The following ACIN1 variants were observed in gnomAD, a reference collection of about 807,000 sequenced individuals.
ACIN1 encodes apoptotic chromatin condensation inducer in the nucleus.
In ACIN1, 16 loss-of-function variants were observed where a neutral mutation model predicts 146.6. The observed-to-expected ratio is 0.11, with a 90% CI of 0.07 to 0.17. The LOEUF is 0.17. Ranked by LOEUF, ACIN1 falls within the 10% of genes least tolerant of loss-of-function variation. The probability of loss-of-function intolerance (pLI) is 1.00; values close to 1 mark genes in which losing one functional copy is unlikely to be tolerated. For missense variants in ACIN1, 1,357 were observed against 1,609.3 expected, an observed-to-expected ratio of 0.84 and a Z score of 2.68; for synonymous variants, 569 against 582.7, an observed-to-expected ratio of 0.98 and a Z score of 0.34.
rs751592487 is a variant in ACIN1, at chr14:23,080,403, T to A, written c.932A>T (p.Glu311Val). The stretch of plus-strand genomic sequence containing the variant: ...TGAAGATTTTATTTCTCTTTCTTCC[T>A]CCTCAAGGGGAGATGTTGTTTTCAT... The part of the protein sequence containing the change: ...KEMKTTSPLE[E>V]EEREIKSSQG... The change falls in exon 6 of 19, where the codon GAG becomes GTG. Residue 311 changes from glutamate (E) to valine (V), a missense_variant. Glu to Val is a moderately radical substitution (Grantham distance 121). Coordinates refer to ENST00000605057, the MANE Select transcript of ACIN1 (RefSeq NM_001386863.1). The A allele has an allele frequency of 2.5e-6, 4 of 1,614,082 alleles. No individual in the cohort carries two copies. Among genetic ancestry groups the A allele is most frequent in the Non-Finnish European group, 2.5e-6 (3 of 1,180,032 alleles).
chr14:23,095,588 A>C, upstream of ACIN1: 1 of 387,272 alleles, frequency 2.6e-6, no homozygotes, highest in East Asian at 4.8e-5. Context: ...ACTCGTGACA[A>C]TCTTCGGGTG....
intron 18 of ACIN1, among the ~76,000 whole-genome samples, chr14:23,059,847 G>A (rs1486775985): frequency 2.7e-5 from 4 of 147,046 alleles, no homozygotes; most frequent in Non-Finnish European, 4.5e-5. Context: ...GTAGAGACGG[G>A]GCTTCACCGT....
rs754612223 is a variant in ACIN1 at position 23,078,237 on chromosome 14, C to T, written c.2037G>A (p.Glu679=). ...RGSPKKCEAE[E]AEPPAATQPQ... ...GCTGTGTGGCAGCTGGTGGCTCTGC[C>T]TCTTCAGCTTCACACTTCTTTGGGC... is the stretch of plus-strand genomic sequence containing the variant. The change falls in exon 8 of 19, where the codon GAG becomes GAA. Residue 679 remains glutamate, a synonymous_variant. Transcript: ENST00000605057. 7 of 1,614,144 alleles carry T rather than the reference C, an allele frequency of 4.3e-6. No individual in the cohort carries two copies. Among genetic ancestry groups the T allele is most frequent in the Non-Finnish European group, 4.2e-6 (5 of 1,180,018 alleles).
At chr14:23,081,617 C>T (rs1280262786) in intron 5 of ACIN1, 131 bp downstream of exon 5, 2 of 761,838 alleles carry the variant, frequency 2.6e-6, no homozygotes, top group African/African-American at 3.5e-5. Flanking sequence ...GCGACAGAGC[C>T]AGACTCTGTC....
Position 23,062,225 on chromosome 14 carries a change from G to A in ACIN1, c.3042C>T (p.Val1014=), listed in dbSNP as rs147049684. 9.6e-5 allele frequency: 155 copies of A among 1,614,064 alleles called. No homozygotes were observed. The highest frequency in any genetic ancestry group is 1.2e-4 in the Non-Finnish European group (145 of 1,180,018). The change falls in exon 16 of 19, where the codon GTC becomes GTT. Residue 1014 remains valine (V), a synonymous_variant. Transcript: ENST00000605057. ...AVATRTALHG[V]KWPQSNPKFL... ...ATTTGGGATTGGACTGGGGCCATTTGACCCCGTGCAGAGCTGTGCGGGTGG... is the reference window on the plus strand; with the variant it reads ...ATTTGGGATTGGACTGGGGCCATTTAACCCCGTGCAGAGCTGTGCGGGTGG...
At chr14:23,087,443 T>C (rs1193849453) in intron 4 of ACIN1, among the ~76,000 whole-genome samples, 9 of 130,158 alleles carry the variant, frequency 6.9e-5, no homozygotes, top group Admixed American at 1.5e-4. Context: ...ATTTTTCACC[T>C]TTTTTTTTTT....
chr14:23,062,039 C>T, intron 16 of ACIN1, 129 bp downstream of exon 16: 2 of 739,546 alleles, frequency 2.7e-6, no homozygotes, highest in South Asian at 1.7e-5. Context: ...ATTAAAGGAA[C>T]CAAAGCCAGG....
At chr14:23,085,953 A>G (rs2048080564) in intron 4 of ACIN1, among the ~76,000 whole-genome samples, 1 of 152,266 alleles carries the variant, frequency 6.6e-6, no homozygotes, top group Admixed American at 6.5e-5. Flanking sequence ...GGCAGTTGCT[A>G]GACAATGCAG....
intron 8 of ACIN1, among the ~76,000 whole-genome samples, chr14:23,077,287 C>A (rs1394076494): frequency 6.6e-6 from 1 of 152,114 alleles, no homozygotes; most frequent in African/African-American, 2.4e-5. Flanking sequence ...GTTAATATGG[C>A]ATAAAAACAA....
intron 4 of ACIN1, among the ~76,000 whole-genome samples, chr14:23,082,156 T>G (rs11851603): frequency 6.6e-6 from 1 of 152,154 alleles, no homozygotes; most frequent in Non-Finnish European, 1.5e-5. Flanking sequence ...TGTACAAATA[T>G]GAAGTGTACT....
intron 1 of ACIN1, 119 bp from the exon 2 acceptor site, chr14:23,093,663 A>C: frequency 1.2e-6 from 1 of 816,654 alleles, no homozygotes; most frequent in Admixed American, 2.5e-5. Context: ...ATTAAACTGT[A>C]TTCCTTTTCC....
chr14:23,064,316 C>T, intron 11 of ACIN1, 39 bp downstream of exon 11: 1 of 1,613,970 alleles, frequency 6.2e-7, no homozygotes, highest in Non-Finnish European at 8.5e-7. Flanking sequence ...CCCACCTTAA[C>T]AGGTCTCATC....
intron 8 of ACIN1, among the ~76,000 whole-genome samples, chr14:23,073,241 A>AGGGTAGGGTAG (rs2047710809): frequency 6.6e-6 from 1 of 152,210 alleles, no homozygotes; most frequent in Non-Finnish European, 1.5e-5. Flanking sequence ...TAATTCCTCA[A>AGGGTAGGGTAG]GGGTAGGGAT....
In ACIN1 at chr14:23,058,970, G is replaced by C. The variant is rs544769333; in HGVS notation, c.*178C>G. ...GGGTCGGGCTAAGTCCCAAGAGATAGGTTAAGGGGGTGTGTTTGGGGGGAA... is the reference window on the plus strand; with the variant it reads ...GGGTCGGGCTAAGTCCCAAGAGATACGTTAAGGGGGTGTGTTTGGGGGGAA... On this transcript the variant is annotated 3_prime_UTR_variant, in exon 19 of 19. Transcript: ENST00000605057. The C allele has an allele frequency of 3.2e-6, 2 of 624,542 alleles. No individual in the cohort carries two copies. The highest frequency in any genetic ancestry group is 4.0e-5 in the South Asian group (2 of 50,542). The allele number at this position is 624,542 out of a possible 1,614,324, so 38.7% of individuals were successfully genotyped here. A position where few individuals can be genotyped will look rare whatever the true frequency, so the allele number is the denominator to read the frequency against.
chr14:23,063,672 C>T, intron 12 of ACIN1, 95 bp from the exon 13 acceptor site: 1 of 1,406,738 alleles, frequency 7.1e-7, no homozygotes, highest in South Asian at 1.3e-5. Context: ...AGCAGTCAAT[C>T]TAGCATGTTC....
In ACIN1 at chr14:23,064,379, G is replaced by A. The variant is rs757627793; in HGVS notation, c.2418C>T (p.Ile806=). The A allele has an allele frequency of 1.2e-6, 2 of 1,614,238 alleles. 1 individual carries two copies. Among genetic ancestry groups the A allele is most frequent in the South Asian group, 2.2e-5 (2 of 91,088 alleles). The part of the protein sequence containing the change: ...STATTQKKPS[I]SITTESLKSL... ...CCTTTAGTGATTCAGTGGTGATACT[G>A]ATGGAAGGTTTCTTCTGTGTGGTGG... Residue 806 remains isoleucine (I), a synonymous_variant, in exon 11 of 19, where the codon ATC becomes ATT. Coordinates refer to ENST00000605057, the MANE Select transcript of ACIN1 (RefSeq NM_001386863.1).
In ACIN1 at chr14:23,094,919, G is replaced by T. The variant is rs1383025190; in HGVS notation, c.138+56C>A. ...ATACTGCGCCTGCGCCGCGGCAGAG[G>T]CTCGTCTCTACCGGGTCCGCTCTCC... is the stretch of plus-strand genomic sequence containing the variant. On this transcript the variant is annotated intron_variant, in intron 1 of 18. Transcript: ENST00000605057. The T allele has an allele frequency of 4.0e-6, 6 of 1,514,206 alleles. No homozygotes were observed. The Admixed American group carries it at 8.2e-5, about 21-fold the overall frequency. 93.8% of individuals were successfully genotyped at this position (1,514,206 alleles called of 1,614,324 possible). A position where few individuals can be genotyped will look rare whatever the true frequency, so the allele number is the denominator to read the frequency against.
At position 23,064,198 on chromosome 14, in the gene ACIN1, A is replaced by G. The variant is rs1462297660; in HGVS notation, c.2502T>C (p.Ala834=). 1 of 1,614,062 alleles carries G rather than the reference A, an allele frequency of 6.2e-7. No homozygotes were observed. Among genetic ancestry groups the G allele is most frequent in the Admixed American group, 1.7e-5 (1 of 60,010 alleles). Residue 834 remains alanine, a synonymous_variant, in exon 12 of 19, where the codon GCT becomes GCC. Coordinates refer to ENST00000605057, the MANE Select transcript of ACIN1 (RefSeq NM_001386863.1). ...CATCCTCAGAGATGCGAGAGTCATC[A>G]GCATGAAGATCCACAACAGCCTCCT... ...AGQEAVVDLH[A]DDSRISEDET...
At chr14:23,083,514 CGACGTCAGGAGATCGA>C (rs1219522930) in intron 4 of ACIN1, among the ~76,000 whole-genome samples, 1 of 152,154 alleles carries the variant, frequency 6.6e-6, no homozygotes, top group East Asian at 1.9e-4. Context: ...AGGCGGATCA[CGACGTCAGGAGATCGA>C]GACCATCCTG....
Sources: gnomAD v4.1 joint callset for allele counts (sites outside exome capture counted in the v4.1 genomes callset) on GRCh38, gnomAD v4.1.1 for gene constraint, MANE v1.5 for transcripts, NCBI Gene and HGNC (gene_info 2026-07-23, HGNC 2026-07-21) for gene names.